Variants in DAAM1 observed in about 807,000 individuals in gnomAD.
DAAM1 encodes disheveled-associated activator of morphogenesis 1.
A neutral mutation model predicts 130.0 loss-of-function variants in DAAM1; 52 were observed. The ratio of observed to expected loss-of-function variants is 0.40; its 90% confidence interval spans 0.32 to 0.50. The LOEUF is 0.50. Ranked by LOEUF, DAAM1 falls within the 20% of genes least tolerant of loss-of-function variation. The pLI, the probability that DAAM1 is intolerant of heterozygous loss-of-function variation, is 0.61. For missense variants in DAAM1, 1,134 were observed against 1,303.8 expected (o/e 0.87, Z 2.01); for synonymous variants, 452 against 444.5 (o/e 1.02, Z -0.21).
At chr14:59,331,145 C>CT in intron 13 of DAAM1, 64 bp from the exon 14 acceptor site, 1 of 1,586,316 alleles carries the variant, frequency 6.3e-7, no homozygotes, top group Non-Finnish European at 8.6e-7. Flanking sequence ...GTTACAGACT[C>CT]TTAAATCATT....
Position 59,216,588 on chromosome 14 carries a change from G to A in DAAM1, c.-38+27820G>A, listed in dbSNP as rs189097744. ...GTACAAAAACTAGTTGCTCGTGGTG[G>A]CATGTGCCTGTAATCCCAGGTATTT... On this transcript the variant is annotated intron_variant, in intron 1 of 24. Transcript: ENST00000360909. Among the ~76,000 whole-genome samples the A allele has an allele frequency of 1.1e-4, 16 of 152,238 alleles. No homozygotes were observed. The East Asian group carries it at 3.1e-3, about 29-fold the overall frequency.
At chr14:59,251,625 A>T (rs1881647076) in intron 1 of DAAM1, among the ~76,000 whole-genome samples, 1 of 152,146 alleles carries the variant, frequency 6.6e-6, no homozygotes, top group East Asian at 1.9e-4. Flanking sequence ...TTTAATCATC[A>T]GAGAAGATGT....
In DAAM1 at chr14:59,235,134, G is replaced by A. The variant is rs192358340; in HGVS notation, c.-37-28307G>A. Among the ~76,000 whole-genome samples, 13 of 152,208 alleles carry A rather than the reference G, an allele frequency of 8.5e-5. No homozygotes were observed. In the East Asian group the frequency reaches 2.3e-3, roughly 27 times the overall value. ...TTTGTTGTGTCTTTGCCAGGTTTTG[G>A]TATCAGGATGATGTGGGCCTCATAG... is the stretch of plus-strand genomic sequence containing the variant. On this transcript the variant is annotated intron_variant, in intron 1 of 24. Transcript: ENST00000360909.
chr14:59,276,083 A>G (rs1227402810), intron 2 of DAAM1, among the ~76,000 whole-genome samples: 1 of 152,178 alleles, frequency 6.6e-6, no homozygotes, highest in Non-Finnish European at 1.5e-5. Flanking sequence ...GAAACTGACA[A>G]AAATCTTACC....
intron 3 of DAAM1, among the ~76,000 whole-genome samples, chr14:59,302,278 G>T (rs1884202795): frequency 6.6e-6 from 1 of 152,200 alleles, no homozygotes; most frequent in Non-Finnish European, 1.5e-5. Context: ...GAGTAGAAGA[G>T]AATGTCCTTG....
chr14:59,194,729 T>C lies in DAAM1; in HGVS notation c.-38+5961T>C, dbSNP rs537338139. On this transcript the variant is annotated intron_variant, in intron 1 of 24. Coordinates refer to ENST00000360909, the MANE Select transcript of DAAM1 (RefSeq NM_001270520.2). The stretch of plus-strand genomic sequence containing the variant: ...GCCTTAGATATTAAAATAAACTTTT[T>C]CCCCCCACCTCAGAAGAGATACTTT... 1.5e-4 allele frequency among the ~76,000 whole-genome samples: 23 copies of C among 152,284 alleles called. 1 individual carries two copies. Among genetic ancestry groups the C allele is most frequent in the African/African-American group, 5.1e-4 (21 of 41,538 alleles).
intron 3 of DAAM1, among the ~76,000 whole-genome samples, chr14:59,305,671 G>A (rs1884350518): frequency 6.6e-6 from 1 of 152,170 alleles, no homozygotes; most frequent in Admixed American, 6.5e-5. Context: ...CAGGAAAGAA[G>A]AGGGTGTTGG....
In DAAM1 at chr14:59,352,576, TA is replaced by T; in HGVS notation, c.2214del (p.Lys738AsnfsTer17). 1 of 1,613,724 alleles carries T rather than the reference TA, an allele frequency of 6.2e-7. No individual in the cohort carries two copies. The highest frequency in any genetic ancestry group is 8.5e-7 in the Non-Finnish European group (1 of 1,179,866). ...GTGACATTGACCTATTGGAGGAACA[TA>T]AACACGAACTGGATCGGATGGCCAA... ...KSDIDLLEEH[K>X]HELDRMAKAD... On this transcript the variant is annotated frameshift_variant, in exon 18 of 25. Transcript: ENST00000360909. LOFTEE classifies it high-confidence loss of function.
At chr14:59,225,020 T>G (rs12881480) in intron 1 of DAAM1, among the ~76,000 whole-genome samples, 4,342 of 47,074 alleles carry the variant, frequency 0.092, 177 homozygotes, top group East Asian at 0.16. Flanking sequence ...TCTGTGTGGG[T>G]TTTTTTTTTT....
At chr14:59,300,760 C>T (rs965585852) in intron 3 of DAAM1, among the ~76,000 whole-genome samples, 7 of 152,142 alleles carry the variant, frequency 4.6e-5, no homozygotes, top group African/African-American at 1.7e-4. Flanking sequence ...ATATTTATAG[C>T]CTAACTCCAT....
At chr14:59,203,617 A>G (rs932407717) in intron 1 of DAAM1, among the ~76,000 whole-genome samples, 1 of 152,156 alleles carries the variant, frequency 6.6e-6, no homozygotes, top group Non-Finnish European at 1.5e-5. Context: ...ACCACTTGAG[A>G]TATGAGAATC....
rs975915060 is a variant in DAAM1, at chr14:59,347,697, C to T, written c.2160+74C>T. 62 of 1,421,592 alleles carry T rather than the reference C, an allele frequency of 4.4e-5. 1 individual carries two copies. Among genetic ancestry groups the T allele is most frequent in the South Asian group, 3.9e-4 (32 of 82,090 alleles). The allele number at this position is 1,421,592 out of a possible 1,614,324, so 88.1% of individuals were successfully genotyped here. On this transcript the variant is annotated intron_variant, in intron 17 of 24. Transcript: ENST00000360909. Reference sequence around the variant, plus strand: ...CAGGGAGAGGGATGTTGAGAACATCCGGTTGTTGCTAGTGGATCATTTCCT... The same window carrying T: ...CAGGGAGAGGGATGTTGAGAACATCTGGTTGTTGCTAGTGGATCATTTCCT...
intron 15 of DAAM1, among the ~76,000 whole-genome samples, chr14:59,338,157 A>G (rs1335093971): frequency 1.3e-5 from 2 of 152,120 alleles, no homozygotes; most frequent in Non-Finnish European, 2.9e-5. Context: ...GGTACAGCAA[A>G]TGTCATCGTC....
chr14:59,198,732 T>TA (rs1485323269), intron 1 of DAAM1, among the ~76,000 whole-genome samples: 2 of 152,236 alleles, frequency 1.3e-5, no homozygotes, highest in African/African-American at 4.8e-5. Flanking sequence ...TTCTGTTTGG[T>TA]AGAGTGTTTA....
At chr14:59,308,916 G>A (rs937791734) in intron 3 of DAAM1, among the ~76,000 whole-genome samples, 11 of 152,228 alleles carry the variant, frequency 7.2e-5, no homozygotes, top group Non-Finnish European at 1.2e-4. Flanking sequence ...GGGCCCAACC[G>A]GATTTTGGTA....
At chr14:59,260,248 C>A (rs549920057) in intron 1 of DAAM1, among the ~76,000 whole-genome samples, 3 of 152,260 alleles carry the variant, frequency 2.0e-5, no homozygotes, top group African/African-American at 7.2e-5. Context: ...CTAATATAAG[C>A]AGATAATCAT....
chr14:59,263,931 A>T, intron 2 of DAAM1: 1 of 489,408 alleles, frequency 2.0e-6, no homozygotes, highest in Non-Finnish European at 3.7e-6. Context: ...ATGTGGCAGT[A>T]CTGCATCTTA....
rs201543720 is a variant in DAAM1 at position 59,360,789 on chromosome 14, C to T, written c.2634-13C>T. The T allele has an allele frequency of 1.6e-4, 250 of 1,610,996 alleles. 1 individual carries two copies. The highest frequency in any genetic ancestry group is 1.0e-3 in the Middle Eastern group (6 of 6,024). Reference sequence around the variant, plus strand: ...TCACATGTTGATTGCTAAAACATTGCTATTTACAACAGCATGACTGAGCTG... The same window carrying T: ...TCACATGTTGATTGCTAAAACATTGTTATTTACAACAGCATGACTGAGCTG... On this transcript the variant is annotated splice_polypyrimidine_tract_variant and intron_variant, in intron 21 of 24. Transcript: ENST00000360909.
In DAAM1 at chr14:59,241,815, G is replaced by C. The variant is rs543608070; in HGVS notation, c.-37-21626G>C. Reference sequence around the variant, plus strand: ...CCTTCGTTCTAGACTTGGGAGTTACGTGTAGACTTTTATACTAATCCTAGA... The same window carrying C: ...CCTTCGTTCTAGACTTGGGAGTTACCTGTAGACTTTTATACTAATCCTAGA... On this transcript the variant is annotated intron_variant, in intron 1 of 24. Transcript: ENST00000360909. 4.6e-5 allele frequency among the ~76,000 whole-genome samples: 7 copies of C among 152,242 alleles called. No homozygotes were observed. In the South Asian group the frequency reaches 1.5e-3, roughly 32 times the overall value.
Sources: allele counts gnomAD v4.1 joint callset (sites outside exome capture counted in the v4.1 genomes callset), GRCh38; gene constraint gnomAD v4.1.1; transcripts MANE v1.5; gene names NCBI Gene and HGNC (gene_info 2026-07-23, HGNC 2026-07-21).